Variants in UBE2W observed in about 807,000 individuals in gnomAD.
UBE2W encodes the protein ubiquitin conjugating enzyme E2 W.
A neutral mutation model predicts 27.2 loss-of-function variants in UBE2W; 18 were observed. The ratio of observed to expected loss-of-function variants is 0.66; its 90% CI spans 0.46 to 0.98. UBE2W has a LOEUF of 0.98. Ranked by LOEUF, UBE2W falls within the 50% of genes least tolerant of loss-of-function variation. The probability of loss-of-function intolerance (pLI) is 0.00; values close to 1 mark genes in which losing one functional copy is unlikely to be tolerated. For synonymous variants in UBE2W, 53 were observed against 57.2 expected, an observed-to-expected ratio of 0.93 and a Z score of 0.33; for missense variants, 90 against 180.2, an observed-to-expected ratio of 0.50 and a Z score of 2.87.
intron 1 of UBE2W, among the ~76,000 whole-genome samples, chr8:73,865,842 C>G (rs1021175626): frequency 9.9e-5 from 15 of 152,114 alleles, no homozygotes; most frequent in Non-Finnish European, 2.2e-4. Flanking sequence ...TCATAAAATG[C>G]AGCAATATTT....
chr8:73,868,103 G>A (rs773607145), intron 1 of UBE2W, among the ~76,000 whole-genome samples: 139 of 152,142 alleles, frequency 9.1e-4, no homozygotes, highest in African/African-American at 7.2e-4. Flanking sequence ...TGGTGGCTGG[G>A]GGCTCCTGGA....
At chr8:73,870,241 G>A in intron 1 of UBE2W, 5 of 1,579,318 alleles carry the variant, frequency 3.2e-6, no homozygotes, top group East Asian at 2.3e-5. Flanking sequence ...AAGTTTTGAA[G>A]AGGATTGGCA....
chr8:73,790,333 G>A lies in UBE2W; in HGVS notation c.*3769C>T, dbSNP rs569240353. ...AAAAAGGACTACAAAGAGGATTGGG[G>A]CCAGTTGGTGCAGATTAAAAGACAC... is the stretch of plus-strand genomic sequence containing the variant. On this transcript the variant is annotated 3_prime_UTR_variant, in exon 6 of 6. Transcript: ENST00000602593. 15 of 985,388 alleles carry A rather than the reference G, an allele frequency of 1.5e-5. No individual in the cohort carries two copies. The African/African-American group carries it at 2.3e-4, about 15-fold the overall frequency. 61.0% of individuals were successfully genotyped at this position (985,388 alleles called of 1,614,324 possible). A position where few individuals can be genotyped will look rare whatever the true frequency, so the allele number is the denominator to read the frequency against.
At chr8:73,835,026 C>T (rs1261531056) in intron 1 of UBE2W, among the ~76,000 whole-genome samples, 1 of 152,130 alleles carries the variant, frequency 6.6e-6, no homozygotes, top group Non-Finnish European at 1.5e-5. Context: ...TTGGGAAACA[C>T]TGCTGCAGAA....
At position 73,790,025 on chromosome 8, in the gene UBE2W, C is replaced by T; in HGVS notation, c.*4077G>A. On this transcript the variant is annotated 3_prime_UTR_variant, in exon 6 of 6. Transcript: ENST00000602593. ...CTAATTACAGCTAACAGCTCATTTA[C>T]CAAGTAGTCAATTATTCAACAAATT... 1 of 985,100 alleles carries T rather than the reference C, an allele frequency of 1.0e-6. No individual in the cohort carries two copies. The highest frequency in any genetic ancestry group is 1.2e-6 in the Non-Finnish European group (1 of 829,806). The allele number at this position is 985,100 out of a possible 1,614,324, so 61.0% of individuals were successfully genotyped here. A position where few individuals can be genotyped will look rare whatever the true frequency, so the allele number is the denominator to read the frequency against.
intron 5 of UBE2W, chr8:73,795,659 T>C (rs567469439): frequency 5.2e-4 from 241 of 467,510 alleles, no homozygotes; most frequent in African/African-American, 4.9e-3. Flanking sequence ...TATTCCATGA[T>C]CCAGTAATTT....
Position 73,794,043 on chromosome 8 carries a change from T to C in UBE2W, c.*59A>G. ...AGGTTAAAGTTCAAAGACTGAATGATCAAAGTGCTCATTTTCTCAGTAGGA... is the reference window on the plus strand; with the variant it reads ...AGGTTAAAGTTCAAAGACTGAATGACCAAAGTGCTCATTTTCTCAGTAGGA... On this transcript the variant is annotated 3_prime_UTR_variant, in exon 6 of 6. Coordinates refer to ENST00000602593, the MANE Select transcript of UBE2W (RefSeq NM_018299.6). The C allele has an allele frequency of 6.2e-7, 1 of 1,610,218 alleles. No individual in the cohort carries two copies. Among genetic ancestry groups the C allele is most frequent in the South Asian group, 1.1e-5 (1 of 90,054 alleles).
chr8:73,797,612 A>G (rs1808476665), intron 5 of UBE2W, among the ~76,000 whole-genome samples: 1 of 152,212 alleles, frequency 6.6e-6, no homozygotes, highest in African/African-American at 2.4e-5. Context: ...GAAGAAAAGG[A>G]GTTTGATACT....
intron 3 of UBE2W, among the ~76,000 whole-genome samples, chr8:73,820,250 A>C (rs1299476988): frequency 6.6e-6 from 1 of 152,176 alleles, no homozygotes; most frequent in African/African-American, 2.4e-5. Context: ...TATTGGAAAA[A>C]TCTTGAAGTC....
In UBE2W at chr8:73,791,082, T is replaced by C; in HGVS notation, c.*3020A>G. The C allele has an allele frequency of 1.0e-6, 1 of 985,048 alleles. No individual in the cohort carries two copies. The highest frequency in any genetic ancestry group is 4.7e-5 in the South Asian group (1 of 21,282). The allele number at this position is 985,048 out of a possible 1,614,324, so 61.0% of individuals were successfully genotyped here. A position where few individuals can be genotyped will look rare whatever the true frequency, so the allele number is the denominator to read the frequency against. On this transcript the variant is annotated 3_prime_UTR_variant, in exon 6 of 6. Transcript: ENST00000602593. ...AGAAGCTATTTCCAGCACTTTCTTC[T>C]GGGGATTAAAAATGATTTATTTCCC...
rs764869590 is a variant in UBE2W at position 73,825,192 on chromosome 8, T to C, written c.165A>G (p.Gln55=). 6.4e-7 allele frequency: 1 copy of C among 1,563,370 alleles called. No homozygotes were observed. The highest frequency in any genetic ancestry group is 8.7e-7 in the Non-Finnish European group (1 of 1,152,512). The part of the protein sequence containing the change: ...PGTLYEGEKF[Q]LLFKFSSRYP... ...ATCGACTACTAAATTTAAATAGAAG[T>C]TGAAATTTTTCCCCTTCATATAAGG... The change falls in exon 3 of 6, where the codon CAA becomes CAG. Residue 55 remains glutamine, a synonymous_variant. Coordinates refer to ENST00000602593, the MANE Select transcript of UBE2W (RefSeq NM_018299.6).
rs58380487 is a variant in UBE2W, at chr8:73,806,541, CAAA to C, written c.367-818_367-816del. On this transcript the variant is annotated intron_variant, in intron 4 of 5. Transcript: ENST00000602593. The stretch of plus-strand genomic sequence containing the variant: ...GGTGAAACCCTGTCTGCTAAAAATA[CAAA>C]AAAAAAAAAAAAAAAAATTAGCCGG... Among the ~76,000 whole-genome samples the C allele has an allele frequency of 3.6e-4, 25 of 68,494 alleles. No individual in the cohort carries two copies. The South Asian group carries it at 5.0e-3, about 14-fold the overall frequency. The allele number at this position is 68,494 out of a possible 152,430, so 44.9% of individuals were successfully genotyped here. A position where few individuals can be genotyped will look rare whatever the true frequency, so the allele number is the denominator to read the frequency against.
intron 1 of UBE2W, among the ~76,000 whole-genome samples, chr8:73,845,017 G>A (rs1266117973): frequency 6.8e-5 from 2 of 29,398 alleles, no homozygotes; most frequent in Non-Finnish European, 2.3e-4. Flanking sequence ...GAGGTGGGGG[G>A]CAGCCCCCGC....
At chr8:73,802,718 G>A (rs548873328) in intron 5 of UBE2W, among the ~76,000 whole-genome samples, 24 of 151,556 alleles carry the variant, frequency 1.6e-4, no homozygotes, top group Non-Finnish European at 2.1e-4. Context: ...GGCAAAACCC[G>A]TCTCTACTAA....
At chr8:73,812,932 G>A (rs902252743) in intron 3 of UBE2W, among the ~76,000 whole-genome samples, 9 of 151,224 alleles carry the variant, frequency 6.0e-5, no homozygotes, top group African/African-American at 1.5e-4. Context: ...TTGAACCCGG[G>A]AGGCAGAGGT....
chr8:73,870,776 A>C (rs1811973273), intron 1 of UBE2W, among the ~76,000 whole-genome samples: 1 of 149,998 alleles, frequency 6.7e-6, no homozygotes, highest in African/African-American at 2.5e-5. Flanking sequence ...TTGGGTAGTC[A>C]GGAAGGGCTC....
intron 2 of UBE2W, among the ~76,000 whole-genome samples, chr8:73,826,673 A>G (rs1179688701): frequency 1.3e-5 from 2 of 152,210 alleles, no homozygotes; most frequent in East Asian, 3.8e-4. Flanking sequence ...ACAATATTTT[A>G]TAGTGAAATT....
chr8:73,809,407 T>C (rs996700752), intron 4 of UBE2W, among the ~76,000 whole-genome samples: 25 of 152,136 alleles, frequency 1.6e-4, no homozygotes, highest in Non-Finnish European at 2.9e-4. Flanking sequence ...GTTTCTCCTT[T>C]AAACAGAATG....
chr8:73,862,521 G>C (rs1811572301), intron 1 of UBE2W, among the ~76,000 whole-genome samples: 1 of 151,370 alleles, frequency 6.6e-6, no homozygotes, highest in South Asian at 2.1e-4. Context: ...GCATGGGCAA[G>C]GACTTCATGT....
Sources: gnomAD v4.1 joint callset for allele counts (sites outside exome capture counted in the v4.1 genomes callset) on GRCh38, gnomAD v4.1.1 for gene constraint, MANE v1.5 for transcripts, NCBI Gene and HGNC (gene_info 2026-07-23, HGNC 2026-07-21) for gene names.